The following TMEM108 variants were observed in gnomAD, a reference collection of about 807,000 sequenced individuals.
TMEM108 encodes cancer/testis antigen 124.
A neutral mutation model predicts 35.1 loss-of-function variants in TMEM108; 12 were observed. The observed-to-expected ratio is 0.34, with a 90% CI of 0.22 to 0.55. TMEM108 has a LOEUF of 0.55. TMEM108 is among the 20% of genes least tolerant of loss of function. The pLI, the probability that TMEM108 is intolerant of heterozygous loss-of-function variation, is 0.89. For missense variants in TMEM108, 680 were observed against 753.3 expected, an observed-to-expected ratio of 0.90 and a Z score of 1.14; for synonymous variants, 287 against 308.6, an observed-to-expected ratio of 0.93 and a Z score of 0.73.
chr3:133,076,425 G>A (rs1432810837), intron 2 of TMEM108, among the ~76,000 whole-genome samples: 1 of 152,080 alleles, frequency 6.6e-6, no homozygotes, highest in Non-Finnish European at 1.5e-5. Flanking sequence ...TTGGAACTTG[G>A]GTCTCAAAGC....
intron 3 of TMEM108, among the ~76,000 whole-genome samples, chr3:133,295,381 G>T (rs10428218): frequency 0.38 from 56,986 of 151,950 alleles, 10,674 homozygotes; most frequent in East Asian, 0.48. Context: ...GCATGTGGTG[G>T]TAGGCCCATT....
chr3:133,328,741 A>T (rs1186302661), intron 3 of TMEM108, among the ~76,000 whole-genome samples: 1 of 152,200 alleles, frequency 6.6e-6, no homozygotes, highest in African/African-American at 2.4e-5. Flanking sequence ...AGAACAGTGG[A>T]TGGTGGAACC....
chr3:133,101,408 A>C (rs1201496078), intron 2 of TMEM108, among the ~76,000 whole-genome samples: 3 of 152,142 alleles, frequency 2.0e-5, no homozygotes, highest in Admixed American at 2.0e-4. Context: ...CATATTTCCA[A>C]CGTGATCCTT....
chr3:133,290,848 A>G (rs1947053047), intron 3 of TMEM108, among the ~76,000 whole-genome samples: 1 of 152,172 alleles, frequency 6.6e-6, no homozygotes, highest in African/African-American at 2.4e-5. Flanking sequence ...CAAAGGTAAT[A>G]AAAATCACAC....
intron 2 of TMEM108, among the ~76,000 whole-genome samples, chr3:133,069,143 C>T (rs919327257): frequency 6.6e-6 from 1 of 152,184 alleles, no homozygotes. Context: ...TGAACTAACA[C>T]ACTTCACATT....
intron 2 of TMEM108, among the ~76,000 whole-genome samples, chr3:133,184,406 A>G (rs916817321): frequency 6.6e-6 from 1 of 152,182 alleles, no homozygotes; most frequent in Admixed American, 6.5e-5. Context: ...TGCATAAATC[A>G]TCCTCTAATG....
At chr3:133,229,113 G>C (rs1273371092) in intron 2 of TMEM108, among the ~76,000 whole-genome samples, 153 bp from the exon 3 acceptor site, 1 of 152,140 alleles carries the variant, frequency 6.6e-6, no homozygotes, top group Non-Finnish European at 1.5e-5. Context: ...ATACACCATT[G>C]TAAATTAAAC....
chr3:133,301,434 C>T (rs1947223754), intron 3 of TMEM108, among the ~76,000 whole-genome samples: 2 of 152,186 alleles, frequency 1.3e-5, no homozygotes, highest in African/African-American at 4.8e-5. Context: ...TGAACTGTGT[C>T]ATTTCCTATC....
At chr3:133,301,750 A>G (rs1265488360) in intron 3 of TMEM108, among the ~76,000 whole-genome samples, 2 of 152,188 alleles carry the variant, frequency 1.3e-5, no homozygotes, top group Admixed American at 6.5e-5. Context: ...TATCATTTTC[A>G]TTGAATTTCA....
intron 2 of TMEM108, among the ~76,000 whole-genome samples, chr3:133,154,699 T>C (rs1944852470): frequency 6.7e-6 from 1 of 149,588 alleles, no homozygotes; most frequent in Admixed American, 6.7e-5. Context: ...CATCACACAC[T>C]GGGGACTGTT....
intron 2 of TMEM108, among the ~76,000 whole-genome samples, chr3:133,212,247 C>T (rs1390726652): frequency 1.3e-5 from 2 of 152,146 alleles, no homozygotes; most frequent in Non-Finnish European, 2.9e-5. Flanking sequence ...AATTAATTGT[C>T]AGCATTTTAA....
chr3:133,240,467 A>T (rs544268562), intron 3 of TMEM108, among the ~76,000 whole-genome samples: 1 of 152,370 alleles, frequency 6.6e-6, no homozygotes, highest in East Asian at 1.9e-4. Flanking sequence ...TATTTTAAAG[A>T]AATTCAATTT....
rs79573782 is a variant in TMEM108 at position 133,131,275 on chromosome 3, G to A, written c.-47+85255G>A. 4.3e-3 allele frequency among the ~76,000 whole-genome samples: 658 copies of A among 151,986 alleles called. 12 individuals are homozygous for A. The highest frequency in any genetic ancestry group is 0.03 in the East Asian group (154 of 5,172). On this transcript the variant is annotated intron_variant, in intron 2 of 5. Transcript: ENST00000321871. Reference sequence around the variant, plus strand: ...TATTATTCAAGACACATTTCTCAACGTTTACAAACTTAGTACACGCACACC... The same window carrying A: ...TATTATTCAAGACACATTTCTCAACATTTACAAACTTAGTACACGCACACC...
intron 3 of TMEM108, among the ~76,000 whole-genome samples, chr3:133,298,796 T>G (rs1947180043): frequency 6.6e-6 from 1 of 152,164 alleles, no homozygotes; most frequent in African/African-American, 2.4e-5. Flanking sequence ...ATAACCACTA[T>G]GCTATGCTGG....
chr3:133,213,208 T>C (rs559901724), intron 2 of TMEM108, among the ~76,000 whole-genome samples: 24 of 152,350 alleles, frequency 1.6e-4, no homozygotes, highest in African/African-American at 5.3e-4. Flanking sequence ...AGCATGTCTG[T>C]ACACCATTAT....
At chr3:133,236,950 A>T (rs1313429838) in intron 3 of TMEM108, among the ~76,000 whole-genome samples, 1 of 152,100 alleles carries the variant, frequency 6.6e-6, no homozygotes, top group Non-Finnish European at 1.5e-5. Context: ...TAATACCAAG[A>T]TGTGCTTACT....
At position 133,323,992 on chromosome 3, in the gene TMEM108, G is replaced by A. The variant is rs2071298548; in HGVS notation, c.41-55760G>A. Among the ~76,000 whole-genome samples the A allele has an allele frequency of 2.0e-5, 3 of 152,158 alleles. No homozygotes were observed. In the South Asian group the frequency reaches 6.2e-4, roughly 32 times the overall value. ...AGCCACATGTAGAAGAATGAAGCTG[G>A]ATTCTCCTCTCTCACCTTATACAAA... On this transcript the variant is annotated intron_variant, in intron 3 of 5. Transcript: ENST00000321871.
At chr3:133,144,368 A>T (rs571669504) in intron 2 of TMEM108, among the ~76,000 whole-genome samples, 2 of 152,126 alleles carry the variant, frequency 1.3e-5, no homozygotes, top group Non-Finnish European at 2.9e-5. Context: ...TATCCAGTCT[A>T]TCATTGAGGG....
intron 4 of TMEM108, chr3:133,387,461 C>G: frequency 2.0e-6 from 2 of 985,476 alleles, no homozygotes; most frequent in Non-Finnish European, 1.2e-6. Context: ...GCAGAACTTT[C>G]TGTTCTGACT....
Sources: allele counts gnomAD v4.1 joint callset (sites outside exome capture counted in the v4.1 genomes callset), GRCh38; gene constraint gnomAD v4.1.1; transcripts MANE v1.5; gene names NCBI Gene and HGNC (gene_info 2026-07-23, HGNC 2026-07-21).